SLIT1: variants seen among roughly 807,000 people sequenced by gnomAD.
The protein encoded by SLIT1 is slit guidance ligand 1.
Under a neutral mutation model 186.1 loss-of-function variants are expected in SLIT1, and 66 were observed. The ratio of observed to expected loss-of-function variants is 0.35; its 90% CI spans 0.29 to 0.44. SLIT1 has a LOEUF of 0.44. Among genes scored for constraint, SLIT1 ranks in the 20% least tolerant of loss-of-function variants. The pLI, the probability that SLIT1 is intolerant of heterozygous loss-of-function variation, is 1.00. For synonymous variants in SLIT1, 761 were observed against 833.8 expected (o/e 0.91, Z 1.50); for missense variants, 1,638 against 2,037.4 (o/e 0.80, Z 3.77).
chr10:97,009,420 C>A (rs980586849), intron 31 of SLIT1, among the ~76,000 whole-genome samples: 4 of 152,166 alleles, frequency 2.6e-5, no homozygotes, highest in Admixed American at 6.5e-5. Flanking sequence ...AGTGCTAGTA[C>A]AACTGTATAT....
At chr10:97,096,332 A>G (rs1376171741) in intron 4 of SLIT1, among the ~76,000 whole-genome samples, 2 of 151,728 alleles carry the variant, frequency 1.3e-5, no homozygotes, top group African/African-American at 2.4e-5. Context: ...CCCACTCACT[A>G]CTTGCCAGAA....
At chr10:97,050,354 C>T in intron 13 of SLIT1, among the ~76,000 whole-genome samples, 1 of 152,204 alleles carries the variant, frequency 6.6e-6, no homozygotes, top group East Asian at 1.9e-4. Flanking sequence ...CCCAGCTCAC[C>T]TCAGACCTTG....
rs1332885000 is a variant in SLIT1 at position 97,032,666 on chromosome 10, G to GGCATTGGGACAGGA, written c.2439-990_2439-989insTCCTGTCCCAATGC. On this transcript the variant is annotated intron_variant, in intron 23 of 36. Coordinates refer to ENST00000266058, the MANE Select transcript of SLIT1 (RefSeq NM_003061.3). ...AGCCACTGTCCCAAAATGCTTCCAA[G>GGCATTGGGACAGGA]TAACTGAATCCATCCAGGGCAGACA... is the stretch of plus-strand genomic sequence containing the variant. 5.3e-5 allele frequency among the ~76,000 whole-genome samples: 8 copies of GGCATTGGGACAGGA among 152,168 alleles called. No individual in the cohort carries two copies. In the East Asian group the frequency reaches 1.5e-3, roughly 29 times the overall value.
At chr10:97,111,244 A>G (rs1849461670) in intron 4 of SLIT1, among the ~76,000 whole-genome samples, 1 of 152,140 alleles carries the variant, frequency 6.6e-6, no homozygotes, top group South Asian at 2.1e-4. Context: ...ATAGGTAAGG[A>G]CATCTGAAGG....
At chr10:97,124,853 C>A (rs1004274110) in intron 4 of SLIT1, among the ~76,000 whole-genome samples, 4 of 152,190 alleles carry the variant, frequency 2.6e-5, no homozygotes, top group African/African-American at 9.7e-5. Flanking sequence ...ACGTACGTTG[C>A]TTAACCTTTC....
chr10:97,084,761 A>G (rs1849140257), intron 4 of SLIT1, among the ~76,000 whole-genome samples: 1 of 151,474 alleles, frequency 6.6e-6, no homozygotes, highest in African/African-American at 2.4e-5. Context: ...GAGTGCCACC[A>G]CGCTTGGCTA....
rs992622002 is a variant in SLIT1 at position 97,170,749 on chromosome 10, C to T, written c.198-5859G>A. The stretch of plus-strand genomic sequence containing the variant: ...GCAAAAGATTTTGGAGAAAATCCTC[C>T]GAAGCAAAGTTACTAAGGGAAAAAC... On this transcript the variant is annotated intron_variant, in intron 1 of 36. Coordinates refer to ENST00000266058, the MANE Select transcript of SLIT1 (RefSeq NM_003061.3). Among the ~76,000 whole-genome samples, 10 of 152,182 alleles carry T rather than the reference C, an allele frequency of 6.6e-5. No individual in the cohort carries two copies. In the South Asian group the frequency reaches 8.3e-4, roughly 13 times the overall value.
intron 4 of SLIT1, among the ~76,000 whole-genome samples, chr10:97,147,486 G>GA (rs1849830656): frequency 6.6e-6 from 1 of 152,164 alleles, no homozygotes; most frequent in Non-Finnish European, 1.5e-5. Flanking sequence ...GGGCACTGGG[G>GA]AGGCAACAAC....
Position 97,043,731 on chromosome 10 carries a change from G to A in SLIT1, c.1854-218C>T, listed in dbSNP as rs1012792602. ...CCCGCCCCCGCCTCTGAGAAGCCTC[G>A]AGGCTCTGTCTCTCTCTCCCTGCCA... On this transcript the variant is annotated intron_variant, in intron 18 of 36. Coordinates refer to ENST00000266058, the MANE Select transcript of SLIT1 (RefSeq NM_003061.3). This position sits in a 1 kb window ranked among gnomAD's most constrained non-coding sequence, Gnocchi z 7.0. Among the ~76,000 whole-genome samples, 3 of 152,048 alleles carry A rather than the reference G, an allele frequency of 2.0e-5. No individual in the cohort carries two copies. The highest frequency in any genetic ancestry group is 2.9e-5 in the Non-Finnish European group (2 of 68,002).
chr10:97,022,778 A>G lies in SLIT1; in HGVS notation c.2583-1365T>C, dbSNP rs537395755. ...GCCCTCCACAAAGGGGCACACAGTC[A>G]CAGGGTCACCATGCTCAGGCGTGTA... On this transcript the variant is annotated intron_variant, in intron 25 of 36. Transcript: ENST00000266058. The surrounding 1 kb of genome is among the most constrained non-coding windows in gnomAD (Gnocchi z 4.2). Among the ~76,000 whole-genome samples, 2 of 152,372 alleles carry G rather than the reference A, an allele frequency of 1.3e-5. No homozygotes were observed. Among genetic ancestry groups the G allele is most frequent in the African/African-American group, 4.8e-5 (2 of 41,588 alleles).
rs770246144 is a variant in SLIT1 at position 97,047,680 on chromosome 10, G to C, written c.1634+10C>G. 2 of 1,612,662 alleles carry C rather than the reference G, an allele frequency of 1.2e-6. No homozygotes were observed. Among genetic ancestry groups the C allele is most frequent in the South Asian group, 2.2e-5 (2 of 91,060 alleles). On this transcript the variant is annotated intron_variant, in intron 16 of 36. Transcript: ENST00000266058. ...GACAGGGGAGGGCTGGGGGGGCCAG[G>C]GACCCTCACAGTTCTGCCGTGGACT...
In SLIT1 at chr10:97,006,866, G is replaced by A; in HGVS notation, c.3342-146C>T. Reference sequence around the variant, plus strand: ...GATGCTCCTAATAAACACTTTTCATGAGAGAGCTGAGAGCCAGAAGGATAC... The same window carrying A: ...GATGCTCCTAATAAACACTTTTCATAAGAGAGCTGAGAGCCAGAAGGATAC... On this transcript the variant is annotated intron_variant, in intron 31 of 36. Coordinates refer to ENST00000266058, the MANE Select transcript of SLIT1 (RefSeq NM_003061.3). This position sits in a 1 kb window ranked among gnomAD's most constrained non-coding sequence, Gnocchi z 4.0. 1.6e-6 allele frequency: 1 copy of A among 633,478 alleles called. No individual in the cohort carries two copies. Among genetic ancestry groups the A allele is most frequent in the Admixed American group, 2.7e-5 (1 of 36,548 alleles). The allele number at this position is 633,478 out of a possible 1,614,324, so 39.2% of individuals were successfully genotyped here. A position where few individuals can be genotyped will look rare whatever the true frequency, so the allele number is the denominator to read the frequency against.
chr10:97,038,327 T>C lies in SLIT1; in HGVS notation c.2298-561A>G, dbSNP rs1185669432. ...CCACCGCTGCTCTCTCACAGCTTGC[T>C]TTCCTTGCACTCTCATGCCACCCGC... On this transcript the variant is annotated intron_variant, in intron 21 of 36. Coordinates refer to ENST00000266058, the MANE Select transcript of SLIT1 (RefSeq NM_003061.3). Among the ~76,000 whole-genome samples, 3 of 152,190 alleles carry C rather than the reference T, an allele frequency of 2.0e-5. No homozygotes were observed. In the East Asian group the frequency reaches 5.8e-4, roughly 29 times the overall value.
At chr10:97,055,525 C>T (rs749061561) in intron 13 of SLIT1, among the ~76,000 whole-genome samples, 1 of 152,010 alleles carries the variant, frequency 6.6e-6, no homozygotes, top group Non-Finnish European at 1.5e-5. Flanking sequence ...TCATACCTGG[C>T]TACTTTTTAA....
intron 4 of SLIT1, among the ~76,000 whole-genome samples, chr10:97,129,199 C>T (rs1849630796): frequency 1.3e-5 from 2 of 151,964 alleles, no homozygotes; most frequent in Non-Finnish European, 2.9e-5. Context: ...GTCAGGAGTT[C>T]GAGACCAGCC....
intron 4 of SLIT1, among the ~76,000 whole-genome samples, chr10:97,077,039 G>C (rs1373493889): frequency 1.3e-5 from 2 of 152,212 alleles, no homozygotes; most frequent in East Asian, 3.8e-4. Flanking sequence ...GCTGAGGTGG[G>C]AGGATGGCTT....
chr10:97,013,614 T>G, intron 30 of SLIT1, 127 bp downstream of exon 30: 1 of 706,432 alleles, frequency 1.4e-6, no homozygotes. Flanking sequence ...TCAGGAACCC[T>G]GTAGAGCTGA....
chr10:97,131,984 T>C (rs1183242379), intron 4 of SLIT1, among the ~76,000 whole-genome samples: 2 of 152,164 alleles, frequency 1.3e-5, no homozygotes, highest in African/African-American at 4.8e-5. Flanking sequence ...AACAGCTGTA[T>C]AAGTGAAATA....
intron 20 of SLIT1, among the ~76,000 whole-genome samples, chr10:97,041,761 G>C (rs999951367): frequency 6.6e-6 from 1 of 152,120 alleles, no homozygotes; most frequent in Non-Finnish European, 1.5e-5. Flanking sequence ...ATGAGCCTCC[G>C]CGCCTGGCCT....
Sources: gnomAD v4.1 joint callset for allele counts (sites outside exome capture counted in the v4.1 genomes callset) on GRCh38, gnomAD v4.1.1 for gene constraint, Gnocchi (gnomAD v3.1) non-coding constraint, MANE v1.5 for transcripts, NCBI Gene and HGNC (gene_info 2026-07-23, HGNC 2026-07-21) for gene names.